The following PARD3B variants were observed in gnomAD, a reference collection of about 807,000 sequenced individuals.
PARD3B encodes par-3 family cell polarity regulator beta, also known as partitioning defective 3 homolog B.
In PARD3B, 103 loss-of-function variants were observed where a neutral mutation model predicts 130.2. The observed-to-expected ratio is 0.79, with a 90% CI of 0.67 to 0.93. PARD3B has a LOEUF of 0.93. Among genes scored for constraint, PARD3B ranks in the 40% least tolerant of loss-of-function variants. The probability of loss-of-function intolerance (pLI) is 0.00; values close to 1 mark genes in which losing one functional copy is unlikely to be tolerated. For missense variants in PARD3B, 1,609 were observed against 1,499.2 expected (o/e 1.07, Z -1.21); for synonymous variants, 583 against 553.2 (o/e 1.05, Z -0.76).
At chr2:204,984,621 T>C (rs1692968001) in intron 3 of PARD3B, among the ~76,000 whole-genome samples, 1 of 152,150 alleles carries the variant, frequency 6.6e-6, no homozygotes, top group African/African-American at 2.4e-5. Context: ...AGATGTTTAA[T>C]TCAGTAGCAG....
chr2:204,773,971 C>T (rs544216352), intron 2 of PARD3B, among the ~76,000 whole-genome samples: 1 of 152,094 alleles, frequency 6.6e-6, no homozygotes, highest in African/African-American at 2.4e-5. Flanking sequence ...TTTTTCATTC[C>T]TTTTCTCTAC....
chr2:205,281,093 G>A lies in PARD3B; in HGVS notation c.2186-19437G>A, dbSNP rs914989921. Among the ~76,000 whole-genome samples the A allele has an allele frequency of 2.0e-5, 3 of 152,148 alleles. No homozygotes were observed. The highest frequency in any genetic ancestry group is 7.2e-5 in the African/African-American group (3 of 41,424). On this transcript the variant is annotated intron_variant, in intron 16 of 22. Coordinates refer to ENST00000406610, the MANE Select transcript of PARD3B (RefSeq NM_001302769.2). The surrounding 1 kb of genome is among the most constrained non-coding windows in gnomAD (Gnocchi z 4.2). ...GTCACCCATGGCAACAATATTTAGG[G>A]CTTCTTACATTAGAGTGGCTGCTGG...
In PARD3B at chr2:204,759,689, T is replaced by G. The variant is rs79396512; in HGVS notation, c.222+73407T>G. 7.6e-3 allele frequency among the ~76,000 whole-genome samples: 1,163 copies of G among 152,232 alleles called. 18 individuals carry two copies. The highest frequency in any genetic ancestry group is 0.026 in the African/African-American group (1,086 of 41,570). On this transcript the variant is annotated intron_variant, in intron 2 of 22. Coordinates refer to ENST00000406610, the MANE Select transcript of PARD3B (RefSeq NM_001302769.2). Reference sequence around the variant, plus strand: ...AGTGGGGAATTGCTGGGTCAAATAGTCTGTTTCCTTGGATTTTGATACCTA... The same window carrying G: ...AGTGGGGAATTGCTGGGTCAAATAGGCTGTTTCCTTGGATTTTGATACCTA...
chr2:205,342,866 A>G (rs962908557), intron 18 of PARD3B, among the ~76,000 whole-genome samples: 2 of 152,178 alleles, frequency 1.3e-5, no homozygotes, highest in African/African-American at 4.8e-5. Context: ...AGAAAACAAG[A>G]TTAATTTAAC....
At chr2:204,720,868 G>C (rs1254571503) in intron 2 of PARD3B, among the ~76,000 whole-genome samples, 1 of 152,080 alleles carries the variant, frequency 6.6e-6, no homozygotes, top group African/African-American at 2.4e-5. Context: ...AGCATCTTGC[G>C]CTCAGATGTT....
rs1334880737 is a variant in PARD3B at position 204,986,856 on chromosome 2, A to G, written c.394+21533A>G. Among the ~76,000 whole-genome samples the G allele has an allele frequency of 1.1e-4, 16 of 152,218 alleles. 1 individual carries two copies. Among genetic ancestry groups the G allele is most frequent in the Admixed American group, 9.8e-4 (15 of 15,284 alleles). The stretch of plus-strand genomic sequence containing the variant: ...GGAGCAAAATTTTACCTCAGCTGAT[A>G]AGATTCTCAATAGTCATGTGTTGCA... On this transcript the variant is annotated intron_variant, in intron 3 of 22. Transcript: ENST00000406610.
chr2:204,620,874 C>G (rs576068614), intron 1 of PARD3B, among the ~76,000 whole-genome samples: 94 of 152,074 alleles, frequency 6.2e-4, no homozygotes, highest in South Asian at 3.7e-3. Flanking sequence ...GAAGAAGTTG[C>G]GTCCGTTATT....
intron 2 of PARD3B, among the ~76,000 whole-genome samples, chr2:204,823,477 T>C (rs2043446543): frequency 1.3e-5 from 2 of 152,036 alleles, no homozygotes; most frequent in Admixed American, 1.3e-4. Context: ...CCTTCATGGT[T>C]TTTATAGGCT....
intron 20 of PARD3B, among the ~76,000 whole-genome samples, chr2:205,474,556 C>T (rs961936246): frequency 2.6e-5 from 4 of 152,024 alleles, no homozygotes; most frequent in African/African-American, 7.2e-5. Context: ...GTAACCTTTC[C>T]CTTAATGATG....
chr2:204,601,032 CG>C (rs1448630858), intron 1 of PARD3B, among the ~76,000 whole-genome samples: 4 of 151,620 alleles, frequency 2.6e-5, no homozygotes, highest in Non-Finnish European at 4.4e-5. Context: ...AGGGACTGAT[CG>C]TTAAGCACAT....
chr2:204,659,166 A>C (rs1247189781), intron 1 of PARD3B, among the ~76,000 whole-genome samples: 1 of 152,162 alleles, frequency 6.6e-6, no homozygotes, highest in Non-Finnish European at 1.5e-5. Flanking sequence ...TCTTGACCTA[A>C]AGAGTAATCA....
At chr2:204,638,986 G>A (rs898388980) in intron 1 of PARD3B, among the ~76,000 whole-genome samples, 2 of 152,110 alleles carry the variant, frequency 1.3e-5, no homozygotes, top group East Asian at 3.9e-4. Flanking sequence ...ACTCTGCTGA[G>A]GCTGGCTTTA....
intron 18 of PARD3B, among the ~76,000 whole-genome samples, chr2:205,307,487 T>A (rs914497267): frequency 2.6e-5 from 4 of 152,186 alleles, no homozygotes; most frequent in Non-Finnish European, 4.4e-5. Flanking sequence ...TTTCATTATA[T>A]GTTTGAGTTC....
chr2:205,173,837 A>G (rs1490805938), intron 12 of PARD3B, among the ~76,000 whole-genome samples: 3 of 152,190 alleles, frequency 2.0e-5, no homozygotes, highest in African/African-American at 7.2e-5. Flanking sequence ...CATCTGGTTT[A>G]GGATAGTTCT....
At chr2:204,744,928 C>T (rs2040154316) in intron 2 of PARD3B, among the ~76,000 whole-genome samples, 1 of 151,994 alleles carries the variant, frequency 6.6e-6, no homozygotes, top group South Asian at 2.1e-4. Flanking sequence ...GCTGTCCAGT[C>T]AGATGCAACA....
intron 2 of PARD3B, among the ~76,000 whole-genome samples, chr2:204,901,363 C>G (rs2046851707): frequency 6.6e-6 from 1 of 152,112 alleles, no homozygotes; most frequent in South Asian, 2.1e-4. Flanking sequence ...AAAGTCGTCT[C>G]TCCCTGAGGC....
At chr2:204,829,738 G>T (rs563209734) in intron 2 of PARD3B, among the ~76,000 whole-genome samples, 2 of 152,148 alleles carry the variant, frequency 1.3e-5, no homozygotes, top group African/African-American at 4.8e-5. Context: ...GGTGGCTCAC[G>T]CCTGTAATCC....
intron 21 of PARD3B, among the ~76,000 whole-genome samples, chr2:205,546,330 T>G (rs942776783): frequency 1.3e-5 from 2 of 152,190 alleles, no homozygotes; most frequent in African/African-American, 4.8e-5. Context: ...GTTACACTGT[T>G]GTGTAAAAGG....
chr2:204,686,111 C>T (rs747070689), intron 1 of PARD3B, 70 bp from the exon 2 acceptor site: 33 of 1,080,142 alleles, frequency 3.1e-5, no homozygotes, highest in Non-Finnish European at 4.5e-5. Flanking sequence ...ACTTATGTCT[C>T]TTAACATTAA....
Sources: gnomAD v4.1 joint callset for allele counts (sites outside exome capture counted in the v4.1 genomes callset) on GRCh38, gnomAD v4.1.1 for gene constraint, Gnocchi (gnomAD v3.1) non-coding constraint, MANE v1.5 for transcripts, NCBI Gene and HGNC (gene_info 2026-07-23, HGNC 2026-07-21) for gene names.